RAB18: variants seen among roughly 807,000 people sequenced by gnomAD.
RAB18 encodes the protein ras-related protein Rab-18.
In RAB18, 10 loss-of-function variants were observed where a neutral mutation model predicts 28.5. The observed-to-expected ratio is 0.35, with a 90% CI of 0.22 to 0.60. RAB18 has a LOEUF of 0.60. Ranked by LOEUF, RAB18 falls within the 20% of genes least tolerant of loss-of-function variation. The pLI is 0.78. For missense variants in RAB18, 188 were observed against 244.2 expected, an observed-to-expected ratio of 0.77 and a Z score of 1.53; for synonymous variants, 93 against 86.9, an observed-to-expected ratio of 1.07 and a Z score of -0.39.
At chr10:27,506,131 G>A (rs944876088) in intron 1 of RAB18, among the ~76,000 whole-genome samples, 11 of 152,090 alleles carry the variant, frequency 7.2e-5, no homozygotes, top group Middle Eastern at 3.4e-3. Flanking sequence ...TTGAGATATC[G>A]TTCTCATTTA....
chr10:27,525,029 G>A lies in RAB18; in HGVS notation c.125-1799G>A, dbSNP rs138577101. Among the ~76,000 whole-genome samples, 19 of 152,292 alleles carry A rather than the reference G, an allele frequency of 1.2e-4. 1 individual carries two copies. In the South Asian group the frequency reaches 1.7e-3, roughly 13 times the overall value. On this transcript the variant is annotated intron_variant, in intron 2 of 6. Transcript: ENST00000356940. Reference sequence around the variant, plus strand: ...TATAATATGTCAAAAGCATAACTTAGAGACATTGTTAGTTATCCACATGCA... The same window carrying A: ...TATAATATGTCAAAAGCATAACTTAAAGACATTGTTAGTTATCCACATGCA...
rs1834941624 is a variant in RAB18, at chr10:27,538,235, A to G, written c.*184A>G. 3.8e-6 allele frequency: 3 copies of G among 785,902 alleles called. No individual in the cohort carries two copies. Among genetic ancestry groups the G allele is most frequent in the Non-Finnish European group, 6.4e-6 (3 of 466,122 alleles). 48.7% of individuals were successfully genotyped at this position (785,902 alleles called of 1,614,324 possible). The stretch of plus-strand genomic sequence containing the variant: ...GTAAAATGTTATGGTAAGCATGCAC[A>G]GTTTGCAGTCTACAGTTTTTTTATG... On this transcript the variant is annotated 3_prime_UTR_variant, in exon 7 of 7. Coordinates refer to ENST00000356940, the MANE Select transcript of RAB18 (RefSeq NM_021252.5).
chr10:27,536,659 C>T (rs1042945404), intron 6 of RAB18, among the ~76,000 whole-genome samples: 1 of 152,130 alleles, frequency 6.6e-6, no homozygotes. Flanking sequence ...TCAGTGGGCT[C>T]AGAGGATTTT....
intron 3 of RAB18, among the ~76,000 whole-genome samples, chr10:27,527,625 A>G (rs1418376737): frequency 1.3e-5 from 2 of 151,636 alleles, no homozygotes; most frequent in African/African-American, 4.8e-5. Flanking sequence ...TTATATATCT[A>G]TTTTTCACAT....
At position 27,533,991 on chromosome 10, in the gene RAB18, A is replaced by G. The variant is rs1834843413; in HGVS notation, c.442A>G (p.Ile148Val). The G allele has an allele frequency of 6.3e-7, 1 of 1,594,488 alleles. No homozygotes were observed. Among genetic ancestry groups the G allele is most frequent in the Non-Finnish European group, 8.6e-7 (1 of 1,162,280 alleles). The change falls in exon 6 of 7, where the codon ATA becomes GTA. Residue 148 changes from isoleucine to valine, a missense_variant. Transcript: ENST00000356940. ...KFARKHSMLF[I>V]EASAKTCDGV... ...TGCACGAAAGCATTCCATGTTATTTATAGGTAGGTGTGTGAATGAATATCT... is the reference window on the plus strand; with the variant it reads ...TGCACGAAAGCATTCCATGTTATTTGTAGGTAGGTGTGTGAATGAATATCT...
intron 6 of RAB18, among the ~76,000 whole-genome samples, chr10:27,537,019 C>G (rs1254260018): frequency 6.6e-6 from 1 of 152,132 alleles, no homozygotes; most frequent in Non-Finnish European, 1.5e-5. Flanking sequence ...ATTCGGCAGA[C>G]TTTTAGGCTG....
At chr10:27,521,852 A>G (rs1267618388) in intron 2 of RAB18, among the ~76,000 whole-genome samples, 1 of 152,100 alleles carries the variant, frequency 6.6e-6, no homozygotes, top group East Asian at 1.9e-4. Context: ...TGAAATAAAA[A>G]AAAAATAGGA....
chr10:27,505,312 G>A, intron 1 of RAB18: 1 of 373,954 alleles, frequency 2.7e-6, no homozygotes, highest in African/African-American at 2.1e-5. Context: ...GTTCAAGGCC[G>A]TCCTGATCCT....
chr10:27,514,914 C>T (rs1426520657), intron 2 of RAB18, among the ~76,000 whole-genome samples: 1 of 152,070 alleles, frequency 6.6e-6, no homozygotes, highest in Non-Finnish European at 1.5e-5. Context: ...AGGCACGTGC[C>T]ACCATGCCCG....
chr10:27,541,592 C>T lies in RAB18; in HGVS notation c.*3541C>T, dbSNP rs1057024327. The T allele has an allele frequency of 4.2e-5, 19 of 453,460 alleles. No homozygotes were observed. In the Admixed American group the frequency reaches 4.5e-4, roughly 11 times the overall value. The allele number at this position is 453,460 out of a possible 1,614,324, so 28.1% of individuals were successfully genotyped here. ...ATAGTCGTGTGTTCATGCCTGTTCT[C>T]AGTCTTGTCCCCTTTACCGTTTCTC... On this transcript the variant is annotated 3_prime_UTR_variant, in exon 7 of 7. Transcript: ENST00000356940.
intron 2 of RAB18, among the ~76,000 whole-genome samples, chr10:27,516,563 G>GAAA (rs762591500): frequency 8.2e-6 from 1 of 121,528 alleles, no homozygotes; most frequent in Non-Finnish European, 1.8e-5. Flanking sequence ...ATCTCAAAAA[G>GAAA]AAAAAAAAAA....
Position 27,533,855 on chromosome 10 carries a change from TAAG to T in RAB18, c.378+6_378+8del. On this transcript the variant is annotated splice_donor_5th_base_variant and intron_variant, in intron 5 of 6. Transcript: ENST00000356940. ...CTAGTTGGAAATAAAATCGATAAGG[TAAG>T]AAGGCAGACACTTGGCATTTTGGTT... 6.2e-7 allele frequency: 1 copy of T among 1,612,242 alleles called. No homozygotes were observed. The highest frequency in any genetic ancestry group is 8.5e-7 in the Non-Finnish European group (1 of 1,178,384).
chr10:27,510,311 C>G (rs973167798), intron 2 of RAB18: 1 of 276,250 alleles, frequency 3.6e-6, no homozygotes, highest in Non-Finnish European at 7.0e-6. Flanking sequence ...CAAACTTGGT[C>G]TCTGTCATCG....
At position 27,540,485 on chromosome 10, in the gene RAB18, T is replaced by C. The variant is rs894702016; in HGVS notation, c.*2434T>C. On this transcript the variant is annotated 3_prime_UTR_variant, in exon 7 of 7. Coordinates refer to ENST00000356940, the MANE Select transcript of RAB18 (RefSeq NM_021252.5). The stretch of plus-strand genomic sequence containing the variant: ...TTCCACTATTTCTTTATCACTCTTT[T>C]GTTATATGTAATAGAAGTATTTCAC... 2.2e-6 allele frequency: 1 copy of C among 454,106 alleles called. No homozygotes were observed. Among genetic ancestry groups the C allele is most frequent in the Non-Finnish European group, 4.4e-6 (1 of 226,778 alleles). 28.1% of individuals were successfully genotyped at this position (454,106 alleles called of 1,614,324 possible).
intron 6 of RAB18, 152 bp downstream of exon 6, chr10:27,534,146 G>GT (rs1834846459): frequency 1.4e-6 from 1 of 719,766 alleles, no homozygotes; most frequent in Non-Finnish European, 2.4e-6. Context: ...ATATAACAAG[G>GT]TTCTTTATTC....
intron 3 of RAB18, 193 bp downstream of exon 3, chr10:27,527,082 A>T (rs1480206757): frequency 1.4e-6 from 1 of 706,174 alleles, no homozygotes; most frequent in African/African-American, 1.7e-5. Flanking sequence ...GTTTTGTTTA[A>T]ATTTTCACAA....
chr10:27,505,350 T>C (rs1364083030), intron 1 of RAB18, among the ~76,000 whole-genome samples: 1 of 152,198 alleles, frequency 6.6e-6, no homozygotes, highest in Non-Finnish European at 1.5e-5. Flanking sequence ...CCAGGGGCTG[T>C]AATCAGTTTC....
chr10:27,533,618 A>G, intron 4 of RAB18, 117 bp from the exon 5 acceptor site: 1 of 1,234,338 alleles, frequency 8.1e-7, no homozygotes, highest in East Asian at 2.4e-5. Flanking sequence ...CGTTGAAGAC[A>G]ATAAAAAAAA....
At position 27,538,604 on chromosome 10, in the gene RAB18, A is replaced by G. The variant is rs1033967313; in HGVS notation, c.*553A>G. On this transcript the variant is annotated 3_prime_UTR_variant, in exon 7 of 7. Transcript: ENST00000356940. ...CAGGCCAATTTATAACTAAATCTCT[A>G]TTTGTTCGGATGATGCTTCTAAAAC... 17 of 454,256 alleles carry G rather than the reference A, an allele frequency of 3.7e-5. No individual in the cohort carries two copies. Among genetic ancestry groups the G allele is most frequent in the African/African-American group, 3.0e-4 (15 of 49,976 alleles). 28.1% of individuals were successfully genotyped at this position (454,256 alleles called of 1,614,324 possible). A position where few individuals can be genotyped will look rare whatever the true frequency, so the allele number is the denominator to read the frequency against.
Sources: allele counts gnomAD v4.1 joint callset (sites outside exome capture counted in the v4.1 genomes callset), GRCh38; gene constraint gnomAD v4.1.1; transcripts MANE v1.5; gene names NCBI Gene and HGNC (gene_info 2026-07-23, HGNC 2026-07-21).